The following NCAM2 variants were observed in gnomAD, a reference collection of about 807,000 sequenced individuals.
The protein encoded by NCAM2 is neural cell adhesion molecule 2.
Under a neutral mutation model 98.1 loss-of-function variants are expected in NCAM2, and 30 were observed. The ratio of observed to expected loss-of-function variants is 0.31; its 90% confidence interval spans 0.23 to 0.41. The LOEUF is 0.41. Ranked by LOEUF, NCAM2 falls within the 10% of genes least tolerant of loss-of-function variation. The pLI is 1.00. For missense variants in NCAM2, 867 were observed against 1,005.8 expected, an observed-to-expected ratio of 0.86 and a Z score of 1.87; for synonymous variants, 368 against 342.4, an observed-to-expected ratio of 1.07 and a Z score of -0.83.
chr21:21,351,808 A>G (rs1043345034), intron 8 of NCAM2, among the ~76,000 whole-genome samples: 3 of 152,162 alleles, frequency 2.0e-5, no homozygotes, highest in African/African-American at 7.2e-5. Context: ...GTGCAGTGGC[A>G]CGATCTCGGC....
intron 9 of NCAM2, among the ~76,000 whole-genome samples, chr21:21,397,575 G>A (rs1268283577): frequency 1.3e-5 from 2 of 152,174 alleles, no homozygotes; most frequent in African/African-American, 2.4e-5. Flanking sequence ...CTCCAAAATC[G>A]GAGCAGGCAC....
chr21:21,252,390 GATAT>G (rs1412100363), intron 1 of NCAM2, among the ~76,000 whole-genome samples: 1 of 149,568 alleles, frequency 6.7e-6, no homozygotes, highest in African/African-American at 2.4e-5. Context: ...CAATATATAA[GATAT>G]ATACTCTCCT....
At chr21:21,311,713 A>G (rs1248408486) in intron 5 of NCAM2, among the ~76,000 whole-genome samples, 1 of 152,132 alleles carries the variant, frequency 6.6e-6, no homozygotes, top group Non-Finnish European at 1.5e-5. Context: ...TTCAACATTC[A>G]GATATCATAC....
intron 9 of NCAM2, among the ~76,000 whole-genome samples, chr21:21,382,768 G>A (rs2076186278): frequency 6.6e-6 from 1 of 151,884 alleles, no homozygotes; most frequent in South Asian, 2.1e-4. Context: ...CTGACCTCGT[G>A]ATCTGTCTGT....
intron 1 of NCAM2, among the ~76,000 whole-genome samples, chr21:21,060,769 G>T (rs2065305210): frequency 6.6e-6 from 1 of 152,026 alleles, no homozygotes; most frequent in Non-Finnish European, 1.5e-5. Context: ...CCTATTTGTT[G>T]GCTTATTTTA....
intron 5 of NCAM2, among the ~76,000 whole-genome samples, chr21:21,298,588 C>CAGACAGAT (rs34936749): frequency 0.069 from 10,211 of 147,552 alleles, 444 homozygotes; most frequent in African/African-American, 0.11. Flanking sequence ...ATGATAGATA[C>CAGACAGAT]AGATAGATAG....
At chr21:21,457,513 G>T (rs530606747) in intron 12 of NCAM2, among the ~76,000 whole-genome samples, 1 of 151,996 alleles carries the variant, frequency 6.6e-6, no homozygotes, top group East Asian at 1.9e-4. Context: ...GGTGGCATGC[G>T]CCTGTAATCC....
At chr21:21,162,798 GTCA>G (rs954891076) in intron 1 of NCAM2, among the ~76,000 whole-genome samples, 7 of 152,060 alleles carry the variant, frequency 4.6e-5, no homozygotes, top group Non-Finnish European at 1.0e-4. Flanking sequence ...TAGGAAACAA[GTCA>G]TCGTTATTTC....
chr21:21,061,765 A>G (rs1259752726), intron 1 of NCAM2, among the ~76,000 whole-genome samples: 2 of 152,114 alleles, frequency 1.3e-5, no homozygotes, highest in African/African-American at 4.8e-5. Flanking sequence ...ACCATCCTTT[A>G]TAGGGGCTTT....
chr21:21,060,556 A>T (rs534833124), intron 1 of NCAM2, among the ~76,000 whole-genome samples: 34 of 152,296 alleles, frequency 2.2e-4, no homozygotes, highest in African/African-American at 7.9e-4. Context: ...ATATGGGAAC[A>T]TTAATAATAC....
At chr21:21,047,670 A>G (rs1207966233) in intron 1 of NCAM2, among the ~76,000 whole-genome samples, 1 of 152,192 alleles carries the variant, frequency 6.6e-6, no homozygotes, top group Non-Finnish European at 1.5e-5. Context: ...AAATGTAATC[A>G]ACTCATATTC....
At chr21:21,022,248 T>G (rs1374746764) in intron 1 of NCAM2, among the ~76,000 whole-genome samples, 1 of 152,122 alleles carries the variant, frequency 6.6e-6, no homozygotes, top group Non-Finnish European at 1.5e-5. Context: ...CATGTGTTTT[T>G]CCTTCTTTAT....
intron 12 of NCAM2, among the ~76,000 whole-genome samples, chr21:21,443,580 G>A (rs1003427449): frequency 1.3e-5 from 2 of 152,060 alleles, no homozygotes; most frequent in Non-Finnish European, 2.9e-5. Flanking sequence ...ATCAATGACA[G>A]GTATTGCATT....
chr21:21,355,459 C>G, intron 8 of NCAM2, among the ~76,000 whole-genome samples: 1 of 85,070 alleles, frequency 1.2e-5, no homozygotes, highest in African/African-American at 4.8e-5. Flanking sequence ...CAGACTGAGA[C>G]TATGTCTCAA....
intron 8 of NCAM2, among the ~76,000 whole-genome samples, chr21:21,347,395 C>T (rs574492065): frequency 2.0e-5 from 3 of 152,076 alleles, no homozygotes; most frequent in African/African-American, 7.2e-5. Context: ...CTGGACAAAT[C>T]ACATTACCTG....
chr21:21,492,208 C>T (rs1212678045), intron 15 of NCAM2, among the ~76,000 whole-genome samples: 2 of 151,778 alleles, frequency 1.3e-5, no homozygotes, highest in African/African-American at 4.8e-5. Flanking sequence ...CTTTGATTCT[C>T]AGTTTTCCTC....
chr21:21,541,636 T>A lies in NCAM2; in HGVS notation c.*3679T>A, dbSNP rs1476299003. On this transcript the variant is annotated 3_prime_UTR_variant, in exon 18 of 18. Coordinates refer to ENST00000400546, the MANE Select transcript of NCAM2 (RefSeq NM_004540.5). The stretch of plus-strand genomic sequence containing the variant: ...TATATTTTTTATTTCGAATAATAAA[T>A]CAACCTTTATTTTTGGCAATAAGAT... 1 of 150,328 alleles carries A rather than the reference T, an allele frequency of 6.7e-6. No homozygotes were observed. Among genetic ancestry groups the A allele is most frequent in the Non-Finnish European group, 1.5e-5 (1 of 67,776 alleles). 9.3% of individuals were successfully genotyped at this position (150,328 alleles called of 1,614,324 possible).
At position 21,128,423 on chromosome 21, in the gene NCAM2, G is replaced by C. The variant is rs375654647; in HGVS notation, c.55+129805G>C. ...AACTTTATTGGCATACAAATGAGCA[G>C]AGAGGGTGACTGATGTAGTGAACTC... On this transcript the variant is annotated intron_variant, in intron 1 of 17. Coordinates refer to ENST00000400546, the MANE Select transcript of NCAM2 (RefSeq NM_004540.5). 3.9e-5 allele frequency among the ~76,000 whole-genome samples: 6 copies of C among 152,156 alleles called. No homozygotes were observed. The East Asian group carries it at 9.6e-4, about 24-fold the overall frequency.
chr21:21,407,648 C>T (rs975515427), intron 9 of NCAM2, among the ~76,000 whole-genome samples: 1 of 151,944 alleles, frequency 6.6e-6, no homozygotes, highest in African/African-American at 2.4e-5. Flanking sequence ...TAAACCTCTC[C>T]GTGAAATAGT....
Sources: gnomAD v4.1 joint callset for allele counts (sites outside exome capture counted in the v4.1 genomes callset) on GRCh38, gnomAD v4.1.1 for gene constraint, MANE v1.5 for transcripts, NCBI Gene and HGNC (gene_info 2026-07-23, HGNC 2026-07-21) for gene names.